Variants in CNTN5 observed in about 807,000 individuals in gnomAD.
The protein encoded by CNTN5 is contactin-5.
CNTN5 carries 77 observed loss-of-function variants against 129.1 expected under a neutral mutation model. The observed-to-expected ratio is 0.60, with a 90% CI of 0.50 to 0.72. The LOEUF is 0.72. Among genes scored for constraint, CNTN5 ranks in the 30% least tolerant of loss-of-function variants. The probability of loss-of-function intolerance (pLI) is 0.00; values close to 1 mark genes in which losing one functional copy is unlikely to be tolerated. For missense variants in CNTN5, 1,478 were observed against 1,328.8 expected, an observed-to-expected ratio of 1.11 and a Z score of -1.75; for synonymous variants, 509 against 465.6, an observed-to-expected ratio of 1.09 and a Z score of -1.20.
Position 99,477,821 on chromosome 11 carries a change from T to C in CNTN5, c.-70-78324T>C, listed in dbSNP as rs370791112. 1.2e-4 allele frequency among the ~76,000 whole-genome samples: 18 copies of C among 150,240 alleles called. No individual in the cohort carries two copies. In the East Asian group the frequency reaches 1.4e-3, roughly 11 times the overall value. ...AAGGTAATTATTTCCTTTAAAAAAATAAAAAGAAGCTGAATATTTTATCTT... is the reference window on the plus strand; with the variant it reads ...AAGGTAATTATTTCCTTTAAAAAAACAAAAAGAAGCTGAATATTTTATCTT... On this transcript the variant is annotated intron_variant, in intron 2 of 24. Coordinates refer to ENST00000524871, the MANE Select transcript of CNTN5 (RefSeq NM_014361.4).
At chr11:99,666,333 C>A (rs2135932794) in intron 3 of CNTN5, among the ~76,000 whole-genome samples, 2 of 152,246 alleles carry the variant, frequency 1.3e-5, no homozygotes, top group Middle Eastern at 6.8e-3. Flanking sequence ...ATTGGAGATG[C>A]AATGGGGAAG....
At chr11:100,248,771 T>C (rs72985628) in intron 16 of CNTN5, among the ~76,000 whole-genome samples, 6,155 of 152,240 alleles carry the variant, frequency 0.04, 214 homozygotes, top group East Asian at 0.17. Context: ...GCAGAGGCTC[T>C]AAGAAGCACT....
Position 100,048,536 on chromosome 11 carries a change from G to A in CNTN5, c.981-12676G>A, listed in dbSNP as rs75693203. Among the ~76,000 whole-genome samples, 1,237 of 152,122 alleles carry A rather than the reference G, an allele frequency of 8.1e-3. 13 individuals are homozygous for A. The highest frequency in any genetic ancestry group is 0.025 in the African/African-American group (1,048 of 41,520). ...CAATATAATCAAGAGAGAAATAGAAGTTATCTTTATGAAAGTTTTAGAATA... is the reference window on the plus strand; with the variant it reads ...CAATATAATCAAGAGAGAAATAGAAATTATCTTTATGAAAGTTTTAGAATA... On this transcript the variant is annotated intron_variant, in intron 9 of 24. Transcript: ENST00000524871.
intron 3 of CNTN5, among the ~76,000 whole-genome samples, chr11:99,585,552 T>C (rs1949766786): frequency 6.6e-6 from 1 of 152,154 alleles, no homozygotes; most frequent in Admixed American, 6.5e-5. Flanking sequence ...TATTTTAAGA[T>C]CATTTAATAC....
intron 9 of CNTN5, among the ~76,000 whole-genome samples, chr11:100,012,405 G>A (rs768442076): frequency 7.2e-5 from 11 of 152,234 alleles, no homozygotes; most frequent in East Asian, 1.9e-4. Flanking sequence ...TGTTCTTGAC[G>A]TGTTCAACAT....
chr11:99,609,909 G>C (rs778891584), intron 3 of CNTN5, among the ~76,000 whole-genome samples: 1 of 152,108 alleles, frequency 6.6e-6, no homozygotes, highest in Non-Finnish European at 1.5e-5. Context: ...AGAGGTAATA[G>C]CAGTTAATGG....
chr11:100,024,842 T>A (rs1300516896), intron 9 of CNTN5, among the ~76,000 whole-genome samples: 1 of 152,152 alleles, frequency 6.6e-6, no homozygotes, highest in Non-Finnish European at 1.5e-5. Context: ...AACATTCAGT[T>A]TTATGCCTTC....
chr11:99,675,457 C>T (rs911281834), intron 3 of CNTN5, among the ~76,000 whole-genome samples: 1 of 152,068 alleles, frequency 6.6e-6, no homozygotes, highest in African/African-American at 2.4e-5. Context: ...CCGAGGAGGG[C>T]AGATTGCCTG....
intron 8 of CNTN5, among the ~76,000 whole-genome samples, chr11:99,983,596 C>T (rs1490232817): frequency 6.6e-6 from 1 of 152,178 alleles, no homozygotes; most frequent in Non-Finnish European, 1.5e-5. Context: ...AGGAGGAGAA[C>T]AGATGAACAG....
intron 21 of CNTN5, among the ~76,000 whole-genome samples, chr11:100,314,546 T>A (rs1951540640): frequency 1.3e-5 from 2 of 152,178 alleles, no homozygotes; most frequent in Admixed American, 1.3e-4. Context: ...TAGCGTGGTG[T>A]TAACTAGTAA....
chr11:99,569,040 A>AC (rs1384185163), intron 3 of CNTN5, among the ~76,000 whole-genome samples: 1 of 151,510 alleles, frequency 6.6e-6, no homozygotes, highest in Non-Finnish European at 1.5e-5. Flanking sequence ...TATGGCTTTA[A>AC]CCTCTCTGTG....
chr11:99,351,036 G>A (rs1207688226), intron 2 of CNTN5, among the ~76,000 whole-genome samples: 1 of 152,024 alleles, frequency 6.6e-6, no homozygotes, highest in Non-Finnish European at 1.5e-5. Context: ...GGGCCTAGGG[G>A]AGGGATAACA....
chr11:99,317,694 A>G (rs545700442), intron 1 of CNTN5, among the ~76,000 whole-genome samples: 1 of 152,258 alleles, frequency 6.6e-6, no homozygotes, highest in South Asian at 2.1e-4. Flanking sequence ...TCGTACATTT[A>G]ATCTTCTTTA....
intron 13 of CNTN5, among the ~76,000 whole-genome samples, chr11:100,094,587 A>G (rs1385909359): frequency 6.6e-6 from 1 of 152,026 alleles, no homozygotes; most frequent in African/African-American, 2.4e-5. Context: ...CTGGGTTCTG[A>G]GTACCTCTTT....
In CNTN5 at chr11:100,036,003, T is replaced by C. The variant is rs1283095140; in HGVS notation, c.981-25209T>C. 2.0e-5 allele frequency among the ~76,000 whole-genome samples: 3 copies of C among 152,334 alleles called. No homozygotes were observed. In the South Asian group the frequency reaches 6.2e-4, roughly 32 times the overall value. On this transcript the variant is annotated intron_variant, in intron 9 of 24. Transcript: ENST00000524871. ...CCCATATGTCAATTTTGGCTTTTGG[T>C]GCCGTTGCTTTTGGTGTTTGAGACG...
chr11:100,066,361 C>T (rs11222599), intron 10 of CNTN5, among the ~76,000 whole-genome samples: 33,653 of 151,930 alleles, frequency 0.22, 4,187 homozygotes, highest in East Asian at 0.42. Context: ...GTGATCTATG[C>T]GGATAAAATA....
chr11:99,369,872 T>C (rs1939720983), intron 2 of CNTN5, among the ~76,000 whole-genome samples: 1 of 152,128 alleles, frequency 6.6e-6, no homozygotes, highest in South Asian at 2.1e-4. Context: ...AGCAGATATT[T>C]ACTAGCTAAT....
At chr11:100,041,290 G>T (rs887028718) in intron 9 of CNTN5, among the ~76,000 whole-genome samples, 8 of 151,888 alleles carry the variant, frequency 5.3e-5, no homozygotes, top group Non-Finnish European at 8.8e-5. Flanking sequence ...CACTAGATTG[G>T]CTGTGCCTAT....
At chr11:99,835,779 G>A (rs1947283945) in intron 4 of CNTN5, among the ~76,000 whole-genome samples, 2 of 152,166 alleles carry the variant, frequency 1.3e-5, no homozygotes, top group Admixed American at 1.3e-4. Context: ...ATACATGGTT[G>A]ACTGGTTAAA....
Sources: allele counts gnomAD v4.1 joint callset (sites outside exome capture counted in the v4.1 genomes callset), GRCh38; gene constraint gnomAD v4.1.1; transcripts MANE v1.5; gene names NCBI Gene and HGNC (gene_info 2026-07-23, HGNC 2026-07-21).